SPON1: variants seen among roughly 807,000 people sequenced by gnomAD.
The protein encoded by SPON1 is spondin-1.
SPON1 carries 52 observed loss-of-function variants against 111.7 expected under a neutral mutation model. The observed-to-expected ratio is 0.47, with a 90% CI of 0.37 to 0.59. The LOEUF (loss-of-function observed/expected upper bound fraction) is 0.59. Among genes scored for constraint, SPON1 ranks in the 20% least tolerant of loss-of-function variants. The pLI, the probability that SPON1 is intolerant of heterozygous loss-of-function variation, is 0.00. For synonymous variants in SPON1, 410 were observed against 395.8 expected (o/e 1.04, Z -0.43); for missense variants, 957 against 1,068.5 (o/e 0.90, Z 1.46).
intron 5 of SPON1, among the ~76,000 whole-genome samples, chr11:14,116,796 G>A (rs958887429): frequency 3.3e-5 from 5 of 152,172 alleles, no homozygotes; most frequent in Admixed American, 1.3e-4. Flanking sequence ...ATAGAAAAAC[G>A]TGGGGAGATT....
At chr11:14,244,239 G>A (rs1189983083) in intron 7 of SPON1, among the ~76,000 whole-genome samples, 3 of 152,166 alleles carry the variant, frequency 2.0e-5, no homozygotes, top group African/African-American at 4.8e-5. Flanking sequence ...TCCAAATACC[G>A]GCCAGGCGCA....
chr11:14,153,634 C>T (rs1307716070), intron 6 of SPON1, among the ~76,000 whole-genome samples: 1 of 152,082 alleles, frequency 6.6e-6, no homozygotes, highest in Non-Finnish European at 1.5e-5. Context: ...ATCATTCTGC[C>T]CCTGGCCCCT....
chr11:14,262,586 T>C, intron 14 of SPON1, 126 bp from the exon 15 acceptor site: 2 of 1,278,074 alleles, frequency 1.6e-6, no homozygotes, highest in South Asian at 1.5e-5. Flanking sequence ...TTTCTTCTTC[T>C]GTAAAATAGC....
At chr11:14,216,471 T>C (rs1223455282) in intron 6 of SPON1, among the ~76,000 whole-genome samples, 2 of 152,210 alleles carry the variant, frequency 1.3e-5, no homozygotes, top group Non-Finnish European at 2.9e-5. Flanking sequence ...GGTAGGGTAC[T>C]CCTTAGAAAT....
chr11:14,160,150 A>G (rs1401535227), intron 6 of SPON1, among the ~76,000 whole-genome samples: 3 of 151,414 alleles, frequency 2.0e-5, no homozygotes, highest in Non-Finnish European at 4.4e-5. Context: ...CATCTCATGT[A>G]CCTCATAAAT....
intron 3 of SPON1, among the ~76,000 whole-genome samples, chr11:14,048,692 C>T (rs1848687035): frequency 6.6e-6 from 1 of 152,152 alleles, no homozygotes; most frequent in African/African-American, 2.4e-5. Flanking sequence ...TGCTGCAAAC[C>T]ATCATAGACA....
At chr11:14,247,176 A>G (rs1439664518) in intron 7 of SPON1, among the ~76,000 whole-genome samples, 4 of 152,182 alleles carry the variant, frequency 2.6e-5, no homozygotes. Flanking sequence ...GGGAGGTGGA[A>G]GCAGGAGGCT....
At chr11:14,113,760 G>A (rs1302289660) in intron 5 of SPON1, among the ~76,000 whole-genome samples, 4 of 151,394 alleles carry the variant, frequency 2.6e-5, no homozygotes, top group Non-Finnish European at 4.4e-5. Context: ...CCGCCACCAC[G>A]CCCGGCTAAT....
At chr11:14,128,743 C>A (rs1255655035) in intron 5 of SPON1, among the ~76,000 whole-genome samples, 1 of 152,198 alleles carries the variant, frequency 6.6e-6, no homozygotes, top group Non-Finnish European at 1.5e-5. Context: ...GAGGGCTCTG[C>A]CCCTGCAGCA....
intron 1 of SPON1, among the ~76,000 whole-genome samples, chr11:13,978,415 A>G (rs1195911238): frequency 1.3e-5 from 2 of 152,192 alleles, no homozygotes; most frequent in African/African-American, 4.8e-5. Context: ...TCAACTCCGC[A>G]CTGGTCACTG....
chr11:14,166,861 T>G (rs565749661), intron 6 of SPON1, among the ~76,000 whole-genome samples: 1 of 152,220 alleles, frequency 6.6e-6, no homozygotes, highest in Non-Finnish European at 1.5e-5. Flanking sequence ...TCCAGCATTA[T>G]TCATCAGAAT....
intron 1 of SPON1, among the ~76,000 whole-genome samples, chr11:13,965,323 TC>T (rs782552473): frequency 2.6e-5 from 4 of 152,214 alleles, no homozygotes; most frequent in Non-Finnish European, 5.9e-5. Context: ...GAAGATTTTT[TC>T]AGTGACTTAG....
At chr11:14,183,797 C>T (rs550402417) in intron 6 of SPON1, among the ~76,000 whole-genome samples, 2 of 152,204 alleles carry the variant, frequency 1.3e-5, no homozygotes, top group Non-Finnish European at 1.5e-5. Flanking sequence ...ATATGGTCTT[C>T]CCCTTCTCTT....
intron 5 of SPON1, among the ~76,000 whole-genome samples, chr11:14,100,509 G>A (rs1289072297): frequency 1.3e-5 from 2 of 151,608 alleles, no homozygotes; most frequent in African/African-American, 2.4e-5. Context: ...TGTAAGACAC[G>A]TACTTATGTT....
intron 6 of SPON1, among the ~76,000 whole-genome samples, chr11:14,239,368 G>T (rs970318136): frequency 1.3e-5 from 2 of 152,192 alleles, no homozygotes; most frequent in Admixed American, 1.3e-4. Context: ...AGCACATGCA[G>T]AAGATCCTCT....
intron 5 of SPON1, among the ~76,000 whole-genome samples, chr11:14,103,266 C>A (rs778165836): frequency 6.6e-6 from 1 of 152,274 alleles, no homozygotes; most frequent in South Asian, 2.1e-4. Flanking sequence ...AGGTTCTAAT[C>A]CCCAGCCCTG....
At chr11:14,012,690 G>A (rs1406739357) in intron 2 of SPON1, among the ~76,000 whole-genome samples, 1 of 152,116 alleles carries the variant, frequency 6.6e-6, no homozygotes, top group Non-Finnish European at 1.5e-5. Context: ...CCTAGTAGAA[G>A]CCAAGCCCTT....
intron 6 of SPON1, among the ~76,000 whole-genome samples, chr11:14,204,611 G>A (rs1554935990): frequency 3.3e-5 from 5 of 151,326 alleles, no homozygotes; most frequent in Non-Finnish European, 5.9e-5. Context: ...TCAACAAAGA[G>A]TCTTGAGGCT....
intron 2 of SPON1, among the ~76,000 whole-genome samples, chr11:13,987,841 T>C (rs1848197338): frequency 6.6e-6 from 1 of 152,364 alleles, no homozygotes; most frequent in African/African-American, 2.4e-5. Context: ...GTGTCAGGTT[T>C]GTCAAAGATC....
Sources: gnomAD v4.1 joint callset for allele counts (sites outside exome capture counted in the v4.1 genomes callset) on GRCh38, gnomAD v4.1.1 for gene constraint, MANE v1.5 for transcripts, NCBI Gene and HGNC (gene_info 2026-07-23, HGNC 2026-07-21) for gene names.